Variants in SRC observed in about 807,000 individuals in gnomAD.
The protein encoded by SRC is SRC proto-oncogene, non-receptor tyrosine kinase, also known as proto-oncogene tyrosine-protein kinase Src.
A neutral mutation model predicts 62.9 loss-of-function variants in SRC; 13 were observed. The ratio of observed to expected loss-of-function variants is 0.21; its 90% CI spans 0.13 to 0.33. The LOEUF (loss-of-function observed/expected upper bound fraction) is 0.33. Among genes scored for constraint, SRC ranks in the 10% least tolerant of loss-of-function variants. The pLI is 1.00. For missense variants in SRC, 457 were observed against 737.3 expected (o/e 0.62, Z 4.40); for synonymous variants, 302 against 317.5 (o/e 0.95, Z 0.52).
Position 37,396,014 on chromosome 20 carries a change from G to C in SRC, c.554-148G>C. The C allele has an allele frequency of 1.8e-6, 2 of 1,129,822 alleles. No individual in the cohort carries two copies. Among genetic ancestry groups the C allele is most frequent in the Non-Finnish European group, 2.5e-6 (2 of 809,142 alleles). 70.0% of individuals were successfully genotyped at this position (1,129,822 alleles called of 1,614,324 possible). ...TGGCCCTGCCTCTGTGGCTGCCCCG[G>C]GGCTGGCTGTTGAGAGACAGGGTGG... On this transcript the variant is annotated intron_variant, in intron 7 of 13. Coordinates refer to ENST00000373578, the MANE Select transcript of SRC (RefSeq NM_198291.3). This position sits in a 1 kb window ranked among gnomAD's most constrained non-coding sequence, Gnocchi z 6.1.
At chr20:37,369,495 A>G (rs930222839) in intron 2 of SRC, among the ~76,000 whole-genome samples, 5 of 152,198 alleles carry the variant, frequency 3.3e-5, no homozygotes, top group Non-Finnish European at 7.3e-5. Context: ...TGTACTTTAC[A>G]GCCTTGCTGA....
intron 2 of SRC, among the ~76,000 whole-genome samples, chr20:37,374,629 CAGTAG>C (rs2070249514): frequency 3.0e-5 from 4 of 134,680 alleles, no homozygotes. Context: ...GGCTGGAGTA[CAGTAG>C]CGTAATCTTG....
At chr20:37,391,020 G>C (rs2070538999) in intron 5 of SRC, among the ~76,000 whole-genome samples, 1 of 152,210 alleles carries the variant, frequency 6.6e-6, no homozygotes, top group Non-Finnish European at 1.5e-5. Flanking sequence ...CTGGGGAGCT[G>C]GGAGCCCTGC....
chr20:37,397,669 G>A lies in SRC; in HGVS notation c.704-30G>A, dbSNP rs200896046. 4.6e-5 allele frequency: 71 copies of A among 1,533,170 alleles called. 1 individual carries two copies. In the East Asian group the frequency reaches 1.2e-3, roughly 25 times the overall value. The allele number at this position is 1,533,170 out of a possible 1,614,324, so 95.0% of individuals were successfully genotyped here. On this transcript the variant is annotated intron_variant, in intron 8 of 13. Transcript: ENST00000373578. The surrounding 1 kb of genome is among the most constrained non-coding windows in gnomAD (Gnocchi z 4.1). ...AGGGAGGCCCCAGGGCAGAAGACCC[G>A]CCTAACTGCTCCTCCTGCCTCCTCC...
In SRC at chr20:37,390,681, A is replaced by G. The variant is rs535295981; in HGVS notation, c.351-3214A>G. On this transcript the variant is annotated intron_variant, in intron 5 of 13. Transcript: ENST00000373578. ...TGGCCTCCCGAAGTGTTGGGATCACAGGCGTGAGCCACCGTGCGCTGTCTG... is the reference window on the plus strand; with the variant it reads ...TGGCCTCCCGAAGTGTTGGGATCACGGGCGTGAGCCACCGTGCGCTGTCTG... Among the ~76,000 whole-genome samples the G allele has an allele frequency of 3.3e-5, 5 of 152,268 alleles. No homozygotes were observed. In the South Asian group the frequency reaches 1.0e-3, roughly 32 times the overall value.
intron 2 of SRC, among the ~76,000 whole-genome samples, chr20:37,368,786 C>T (rs1208664987): frequency 1.3e-5 from 2 of 151,664 alleles, no homozygotes; most frequent in African/African-American, 2.4e-5. Flanking sequence ...CTCCTGACCT[C>T]GTGATCCGCC....
chr20:37,401,693 C>A lies in SRC; in HGVS notation c.1116+15C>A. 1.9e-6 allele frequency: 3 copies of A among 1,599,566 alleles called. No individual in the cohort carries two copies. The highest frequency in any genetic ancestry group is 2.6e-6 in the Non-Finnish European group (3 of 1,171,470). Reference sequence around the variant, plus strand: ...TGGCTGCTCAGGTGAGTCAGCCCCTCCCGCCTCCCCACACCCTTGGTCCTC... The same window carrying A: ...TGGCTGCTCAGGTGAGTCAGCCCCTACCGCCTCCCCACACCCTTGGTCCTC... On this transcript the variant is annotated intron_variant, in intron 11 of 13. Coordinates refer to ENST00000373578, the MANE Select transcript of SRC (RefSeq NM_198291.3).
chr20:37,396,118 G>C lies in SRC; in HGVS notation c.554-44G>C, dbSNP rs764225167. 6.2e-6 allele frequency: 10 copies of C among 1,600,226 alleles called. No individual in the cohort carries two copies. Among genetic ancestry groups the C allele is most frequent in the South Asian group, 1.1e-5 (1 of 90,560 alleles). On this transcript the variant is annotated intron_variant, in intron 7 of 13. Coordinates refer to ENST00000373578, the MANE Select transcript of SRC (RefSeq NM_198291.3). This position sits in a 1 kb window ranked among gnomAD's most constrained non-coding sequence, Gnocchi z 6.1. ...CGGTGTCCAGAGCAGCGGCCTGCGG[G>C]GGGAGAGGGCATGGCGGTCACGGCT...
intron 1 of SRC, among the ~76,000 whole-genome samples, chr20:37,359,908 T>C (rs1359533826): frequency 1.3e-5 from 2 of 151,982 alleles, no homozygotes; most frequent in East Asian, 1.9e-4. Flanking sequence ...AAGCATTTTT[T>C]TTTTCTTTGC....
rs567359148 is a variant in SRC, at chr20:37,364,394, C to T, written c.-246-810C>T. On this transcript the variant is annotated intron_variant, in intron 1 of 13. Transcript: ENST00000373578. The stretch of plus-strand genomic sequence containing the variant: ...CATGGTGCCCGCCACCCAGGAGCAC[C>T]GTGATGGTGACGCCGTAGCTGTTGT... 3.0e-4 allele frequency among the ~76,000 whole-genome samples: 45 copies of T among 152,282 alleles called. No individual in the cohort carries two copies. In the South Asian group the frequency reaches 7.7e-3, roughly 26 times the overall value.
intron 10 of SRC, 133 bp from the exon 11 acceptor site, chr20:37,401,469 A>T: frequency 1.6e-6 from 1 of 637,762 alleles, no homozygotes; most frequent in Non-Finnish European, 2.8e-6. Context: ...GACTTTATTC[A>T]GAGATGAGTT....
At chr20:37,358,455 C>T (rs970530885) in intron 1 of SRC, among the ~76,000 whole-genome samples, 1 of 152,232 alleles carries the variant, frequency 6.6e-6, no homozygotes, top group African/African-American at 2.4e-5. Context: ...CGTGGATTCA[C>T]TCAAGTCTCC....
chr20:37,397,945 C>T lies in SRC; in HGVS notation c.859+91C>T, dbSNP rs2070682632. ...CCCTTGGTCCCTTTGCCTTTAGCTGCCTCTGCTGGATGACGGGGCCCTGTT... is the reference window on the plus strand; with the variant it reads ...CCCTTGGTCCCTTTGCCTTTAGCTGTCTCTGCTGGATGACGGGGCCCTGTT... On this transcript the variant is annotated intron_variant, in intron 9 of 13. Coordinates refer to ENST00000373578, the MANE Select transcript of SRC (RefSeq NM_198291.3). The surrounding 1 kb of genome is among the most constrained non-coding windows in gnomAD (Gnocchi z 4.1). 10 of 1,431,008 alleles carry T rather than the reference C, an allele frequency of 7.0e-6. No individual in the cohort carries two copies. The highest frequency in any genetic ancestry group is 1.4e-5 in the South Asian group (1 of 73,440). 88.6% of individuals were successfully genotyped at this position (1,431,008 alleles called of 1,614,324 possible).
intron 2 of SRC, among the ~76,000 whole-genome samples, chr20:37,374,539 C>G (rs1377334558): frequency 2.7e-5 from 4 of 149,096 alleles, no homozygotes; most frequent in East Asian, 4.0e-4. Flanking sequence ...ATTTCCCAGA[C>G]TTATACCTAT....
chr20:37,382,083 C>T (rs915327870), intron 2 of SRC, among the ~76,000 whole-genome samples: 1 of 152,206 alleles, frequency 6.6e-6, no homozygotes, highest in Non-Finnish European at 1.5e-5. Flanking sequence ...GAGGACCCAG[C>T]CAGTCAGGGG....
chr20:37,403,163 G>A lies in SRC; in HGVS notation c.1403-8G>A, dbSNP rs1374185407. The A allele has an allele frequency of 2.6e-6, 4 of 1,534,892 alleles. No individual in the cohort carries two copies. The highest frequency in any genetic ancestry group is 3.5e-6 in the Non-Finnish European group (4 of 1,144,048). On this transcript the variant is annotated splice_region_variant and splice_polypyrimidine_tract_variant and intron_variant, in intron 13 of 13. Transcript: ENST00000373578. This position sits in a 1 kb window ranked among gnomAD's most constrained non-coding sequence, Gnocchi z 7.1. ...AGCCGGGCTCCCCATGCCTCGCTCT[G>A]CCCACAGGGATGGTGAACCGCGAGG...
intron 1 of SRC, among the ~76,000 whole-genome samples, chr20:37,364,262 A>G (rs1403878557): frequency 6.6e-6 from 1 of 151,500 alleles, no homozygotes; most frequent in Non-Finnish European, 1.5e-5. Flanking sequence ...GTGTCTTATG[A>G]GCTGTGTGAC....
Position 37,396,528 on chromosome 20 carries a change from C to G in SRC, c.703+217C>G, listed in dbSNP as rs945688007. The G allele has an allele frequency of 4.9e-5, 31 of 631,300 alleles. No homozygotes were observed. The African/African-American group carries it at 5.3e-4, about 11-fold the overall frequency. The allele number at this position is 631,300 out of a possible 1,614,324, so 39.1% of individuals were successfully genotyped here. Reference sequence around the variant, plus strand: ...CCCCAGCCCCCCTCCTCCCTGTCCCCCTCTCTCCCTGCTCCACGCAGTGTC... The same window carrying G: ...CCCCAGCCCCCCTCCTCCCTGTCCCGCTCTCTCCCTGCTCCACGCAGTGTC... On this transcript the variant is annotated intron_variant, in intron 8 of 13. Coordinates refer to ENST00000373578, the MANE Select transcript of SRC (RefSeq NM_198291.3). This position sits in a 1 kb window ranked among gnomAD's most constrained non-coding sequence, Gnocchi z 6.1.
At chr20:37,368,452 T>C (rs1379447401) in intron 2 of SRC, among the ~76,000 whole-genome samples, 1 of 123,606 alleles carries the variant, frequency 8.1e-6, no homozygotes, top group African/African-American at 2.8e-5. Context: ...CAAACACAAA[T>C]AAACCAACCA....
Sources: gnomAD v4.1 joint callset for allele counts (sites outside exome capture counted in the v4.1 genomes callset) on GRCh38, gnomAD v4.1.1 for gene constraint, Gnocchi (gnomAD v3.1) non-coding constraint, MANE v1.5 for transcripts, NCBI Gene and HGNC (gene_info 2026-07-23, HGNC 2026-07-21) for gene names.